CHGB: variants seen among roughly 807,000 people sequenced by gnomAD.
CHGB encodes the protein chromogranin B, also known as secretogranin-1.
Under a neutral mutation model 69.9 loss-of-function variants are expected in CHGB, and 46 were observed. The ratio of observed to expected loss-of-function variants is 0.66; its 90% CI spans 0.52 to 0.84. The LOEUF (loss-of-function observed/expected upper bound fraction) is 0.84, where lower values mean the gene tolerates loss of function less well. Among genes scored for constraint, CHGB ranks in the 40% least tolerant of loss-of-function variants. The pLI is 0.00. For missense variants in CHGB, 796 were observed against 822.2 expected (o/e 0.97, Z 0.39); for synonymous variants, 312 against 298.2 (o/e 1.05, Z -0.48).
At position 5,923,374 on chromosome 20, in the gene CHGB, C is replaced by A; in HGVS notation, c.1230C>A (p.Gly410=). 6.2e-7 allele frequency: 1 copy of A among 1,613,798 alleles called. No homozygotes were observed. Among genetic ancestry groups the A allele is most frequent in the Non-Finnish European group, 8.5e-7 (1 of 1,180,008 alleles). Reference sequence around the variant, plus strand: ...GTGAAGAAAGTGAGGAAGAGAGGGGCCTTGAGCCGGGAAAGGGACGCCATC... The same window carrying A: ...GTGAAGAAAGTGAGGAAGAGAGGGGACTTGAGCCGGGAAAGGGACGCCATC... The part of the protein sequence containing the change: ...GYGEESEEER[G]LEPGKGRHHR... Residue 410 remains glycine (G), a synonymous_variant, in exon 4 of 5, where the codon GGC becomes GGA. Coordinates refer to ENST00000378961, the MANE Select transcript of CHGB (RefSeq NM_001819.3).
At chr20:5,916,635 G>T (rs1268599429) in intron 2 of CHGB, among the ~76,000 whole-genome samples, 191 bp from the exon 3 acceptor site, 1 of 152,162 alleles carries the variant, frequency 6.6e-6, no homozygotes, top group African/African-American at 2.4e-5. Flanking sequence ...CCAACTCAGT[G>T]CCTTCTTGCA....
intron 4 of CHGB, among the ~76,000 whole-genome samples, chr20:5,924,397 G>C (rs879377918): frequency 6.6e-6 from 1 of 152,132 alleles, no homozygotes; most frequent in Non-Finnish European, 1.5e-5. Context: ...TTAGTTCCTA[G>C]GGTGCTGCCT....
intron 3 of CHGB, among the ~76,000 whole-genome samples, chr20:5,918,445 C>G (rs971450796): frequency 1.3e-5 from 2 of 152,024 alleles, no homozygotes; most frequent in Admixed American, 6.6e-5. Context: ...CGCTGCCAGA[C>G]AAGACTCTCT....
chr20:5,921,046 A>G (rs1311914817), intron 3 of CHGB, among the ~76,000 whole-genome samples: 1 of 152,240 alleles, frequency 6.6e-6, no homozygotes, highest in Non-Finnish European at 1.5e-5. Context: ...CAAATTTTAT[A>G]GTAACCACAT....
Position 5,925,326 on chromosome 20 carries a change from A to T in CHGB, c.*277A>T, listed in dbSNP as rs236156. The T allele has an allele frequency of 0.028, 5,929 of 208,904 alleles. 358 individuals are homozygous for T. Among genetic ancestry groups the T allele is most frequent in the African/African-American group, 0.13 (5,406 of 43,196 alleles). The allele number at this position is 208,904 out of a possible 1,614,324, so 12.9% of individuals were successfully genotyped here. A position where few individuals can be genotyped will look rare whatever the true frequency, so the allele number is the denominator to read the frequency against. On this transcript the variant is annotated 3_prime_UTR_variant, in exon 5 of 5. Coordinates refer to ENST00000378961, the MANE Select transcript of CHGB (RefSeq NM_001819.3). ...CTGTCTTTGGAAAAATGTTTGTCTCAGTTGGAAATAATAAAAGATTCACCT... is the reference window on the plus strand; with the variant it reads ...CTGTCTTTGGAAAAATGTTTGTCTCTGTTGGAAATAATAAAAGATTCACCT...
chr20:5,915,873 C>T (rs1463717470), intron 1 of CHGB: 1 of 152,828 alleles, frequency 6.5e-6, no homozygotes, highest in Admixed American at 6.5e-5. Context: ...GCCACCACGC[C>T]TGGCTAATTT....
chr20:5,922,229 C>T (rs2088518005), intron 3 of CHGB, 106 bp from the exon 4 acceptor site: 1 of 1,362,540 alleles, frequency 7.3e-7, no homozygotes, highest in East Asian at 2.5e-5. Flanking sequence ...AAATAATTAT[C>T]CAAGCAATTT....
rs1346447671 is a variant in CHGB at position 5,922,879 on chromosome 20, C to G, written c.735C>G (p.Ser245Arg). The G allele has an allele frequency of 6.2e-7, 1 of 1,613,432 alleles. No individual in the cohort carries two copies. Among genetic ancestry groups the G allele is most frequent in the African/African-American group, 1.3e-5 (1 of 74,790 alleles). The change falls in exon 4 of 5, where the codon AGC becomes AGG. Residue 245 changes from serine (S) to arginine (R), a missense_variant. Physicochemically the swap from Ser to Arg is moderately radical, Grantham distance 110. This residue lies in a region of CHGB where 518 missense variants were observed against 506.3 expected (regional missense o/e 1.02). Coordinates refer to ENST00000378961, the MANE Select transcript of CHGB (RefSeq NM_001819.3). ...SSQESGEETG[S>R]QENHPQESKG... ...AGGAGAGTGGAGAGGAGACAGGGAG[C>G]CAGGAGAATCACCCCCAGGAGTCTA...
intron 2 of CHGB, 88 bp from the exon 3 acceptor site, chr20:5,916,738 C>A: frequency 1.7e-6 from 2 of 1,193,756 alleles, no homozygotes; most frequent in South Asian, 2.4e-5. Context: ...GTCACGTAAT[C>A]AAGTCTTCCT....
Position 5,921,507 on chromosome 20 carries a change from T to C in CHGB, c.191-828T>C, listed in dbSNP as rs925642798. ...GTTAAGGAGGACTTAGTAAAGGAGC[T>C]ATTGATATTTGGAAAAGATGGACGA... On this transcript the variant is annotated intron_variant, in intron 3 of 4. Coordinates refer to ENST00000378961, the MANE Select transcript of CHGB (RefSeq NM_001819.3). 2.6e-5 allele frequency among the ~76,000 whole-genome samples: 4 copies of C among 152,218 alleles called. No individual in the cohort carries two copies. In the South Asian group the frequency reaches 8.3e-4, roughly 32 times the overall value.
Position 5,923,505 on chromosome 20 carries a change from A to C in CHGB, c.1361A>C (p.Asp454Ala). 6.2e-7 allele frequency: 1 copy of C among 1,614,170 alleles called. No homozygotes were observed. Among genetic ancestry groups the C allele is most frequent in the Non-Finnish European group, 8.5e-7 (1 of 1,180,034 alleles). Residue 454 changes from aspartate (D) to alanine (A), a missense_variant, in exon 4 of 5, where the codon GAC (aspartate) becomes GCC (alanine). Physicochemically the swap from Asp to Ala is moderately radical, Grantham distance 126. Transcript: ENST00000378961. ...CACCGTGTCCAAGAAAACCAGATGG[A>C]CAAGGCAAGGAGGCATCCACAAGGT... is the stretch of plus-strand genomic sequence containing the variant. ...GHHRVQENQM[D>A]KARRHPQGAW... is the part of the protein sequence containing the mutation.
At chr20:5,920,452 A>G (rs180690133) in intron 3 of CHGB, among the ~76,000 whole-genome samples, 1 of 152,344 alleles carries the variant, frequency 6.6e-6, no homozygotes, top group Non-Finnish European at 1.5e-5. Flanking sequence ...TCGGAAGTCC[A>G]AGATCAGAGT....
At position 5,923,632 on chromosome 20, in the gene CHGB, G is replaced by A. The variant is rs747180447; in HGVS notation, c.1488G>A (p.Arg496=). 5 of 1,613,986 alleles carry A rather than the reference G, an allele frequency of 3.1e-6. No homozygotes were observed. In the African/African-American group the frequency reaches 6.7e-5, roughly 22 times the overall value. The change falls in exon 4 of 5, where the codon AGG becomes AGA. Residue 496 remains arginine, a synonymous_variant. Coordinates refer to ENST00000378961, the MANE Select transcript of CHGB (RefSeq NM_001819.3). The part of the protein sequence containing the change: ...QGDLQDTKEN[R]EEARFQDKQY... ...ACCTGCAGGACACTAAAGAAAACAG[G>A]GAGGAAGCTAGGTTTCAAGATAAAC...
rs1019591355 is a variant in CHGB at position 5,924,171 on chromosome 20, C to T, written c.1956+71C>T. On this transcript the variant is annotated intron_variant, in intron 4 of 4. Coordinates refer to ENST00000378961, the MANE Select transcript of CHGB (RefSeq NM_001819.3). Reference sequence around the variant, plus strand: ...TTAGCACATTATGTTCAAGACTATCCGATATTCACGGGGAGAAATTGGTGG... The same window carrying T: ...TTAGCACATTATGTTCAAGACTATCTGATATTCACGGGGAGAAATTGGTGG... The T allele has an allele frequency of 1.5e-5, 22 of 1,456,050 alleles. No homozygotes were observed. The African/African-American group carries it at 1.6e-4, about 10-fold the overall frequency. 90.2% of individuals were successfully genotyped at this position (1,456,050 alleles called of 1,614,324 possible).
intron 1 of CHGB, 133 bp from the exon 2 acceptor site, chr20:5,916,193 A>G (rs752604547): frequency 5.9e-5 from 40 of 672,904 alleles, no homozygotes; most frequent in Non-Finnish European, 1.0e-4. Flanking sequence ...CTAAAATAGC[A>G]TTTGTTTCCA....
At chr20:5,917,838 C>CTTATTTAAAAATCTTATTTTATCTTA (rs1568550206) in intron 3 of CHGB, 1 of 151,778 alleles carries the variant, frequency 6.6e-6, no homozygotes, top group African/African-American at 2.4e-5. Flanking sequence ...ATTTTTTCAC[C>CTTATTTAAAAATCTTATTTTATCTTA]TTTAAAAATC....
Position 5,922,558 on chromosome 20 carries a change from G to C in CHGB, c.414G>C (p.Gln138His). 1.2e-6 allele frequency: 2 copies of C among 1,613,714 alleles called. No individual in the cohort carries two copies. Among genetic ancestry groups the C allele is most frequent in the Non-Finnish European group, 8.5e-7 (1 of 1,179,768 alleles). Residue 138 changes from glutamine (Q) to histidine (H), a missense_variant, in exon 4 of 5, where the codon CAG (glutamine) becomes CAC (histidine). By Grantham distance (24) the Gln-to-His change is conservative (BLOSUM62 0). This residue lies in a region of CHGB where 518 missense variants were observed against 506.3 expected (regional missense o/e 1.02). Coordinates refer to ENST00000378961, the MANE Select transcript of CHGB (RefSeq NM_001819.3). ...GHSRERADEP[Q>H]WSLYPSDSQV... Reference sequence around the variant, plus strand: ...GCCGAGAGCGAGCGGATGAGCCCCAGTGGAGCCTCTATCCCTCCGACAGCC... The same window carrying C: ...GCCGAGAGCGAGCGGATGAGCCCCACTGGAGCCTCTATCCCTCCGACAGCC...
At chr20:5,917,817 G>T (rs1424803450) in intron 3 of CHGB, 1 of 148,102 alleles carries the variant, frequency 6.8e-6, no homozygotes, top group African/African-American at 2.7e-5. Context: ...GGGAACAGTA[G>T]ATTTTATCTT....
chr20:5,924,270 C>G (rs2088536996), intron 4 of CHGB, among the ~76,000 whole-genome samples, 170 bp downstream of exon 4: 1 of 152,212 alleles, frequency 6.6e-6, no homozygotes, highest in African/African-American at 2.4e-5. Flanking sequence ...CCACCTACCT[C>G]TAGCCATCGT....
Sources: allele counts gnomAD v4.1 joint callset (sites outside exome capture counted in the v4.1 genomes callset), GRCh38; gene constraint gnomAD v4.1.1; regional missense constraint gnomAD v4.1.1; transcripts MANE v1.5; gene names NCBI Gene and HGNC (gene_info 2026-07-23, HGNC 2026-07-21).